PRKAG2: variants seen among roughly 807,000 people sequenced by gnomAD.
PRKAG2 encodes the protein protein kinase AMP-activated non-catalytic subunit gamma 2, also known as 5'-AMP-activated protein kinase subunit gamma-2.
PRKAG2 carries 26 observed loss-of-function variants against 69.6 expected under a neutral mutation model. The ratio of observed to expected loss-of-function variants is 0.37; its 90% CI spans 0.27 to 0.52. The LOEUF is 0.52. Among genes scored for constraint, PRKAG2 ranks in the 20% least tolerant of loss-of-function variants. The probability of loss-of-function intolerance (pLI) is 0.90; values close to 1 mark genes in which losing one functional copy is unlikely to be tolerated. For synonymous variants in PRKAG2, 293 were observed against 285.0 expected (o/e 1.03, Z -0.28); for missense variants, 557 against 740.0 (o/e 0.75, Z 2.87).
At chr7:151,621,420 C>T (rs922693534) in intron 5 of PRKAG2, among the ~76,000 whole-genome samples, 12 of 152,094 alleles carry the variant, frequency 7.9e-5, no homozygotes, top group Non-Finnish European at 1.8e-4. Flanking sequence ...CAATAGCTCA[C>T]GCCTGTAATC....
At chr7:151,818,957 T>C (rs918311245) in intron 1 of PRKAG2, among the ~76,000 whole-genome samples, 3 of 152,182 alleles carry the variant, frequency 2.0e-5, no homozygotes, top group Non-Finnish European at 2.9e-5. Flanking sequence ...AATATCCCAA[T>C]TGGGAACCAA....
At chr7:151,574,467 T>C (rs778443520) in intron 8 of PRKAG2, among the ~76,000 whole-genome samples, 1 of 152,200 alleles carries the variant, frequency 6.6e-6, no homozygotes, top group Non-Finnish European at 1.5e-5. Flanking sequence ...TAATGACTCA[T>C]TTTTTTCTGC....
At chr7:151,793,284 C>T (rs927605125) in intron 1 of PRKAG2, among the ~76,000 whole-genome samples, 2 of 152,212 alleles carry the variant, frequency 1.3e-5, no homozygotes, top group African/African-American at 2.4e-5. Flanking sequence ...GCGTGCACCG[C>T]CGGGGAAGGA....
At chr7:151,641,800 A>G (rs3109944) in intron 4 of PRKAG2, among the ~76,000 whole-genome samples, 130,427 of 152,026 alleles carry the variant, frequency 0.86, 56,025 homozygotes, top group Non-Finnish European at 0.88. Context: ...CATGAGTGAC[A>G]TCACCTGGCC....
chr7:151,752,985 C>G (rs558539754), intron 3 of PRKAG2, among the ~76,000 whole-genome samples: 9 of 152,352 alleles, frequency 5.9e-5, no homozygotes, highest in East Asian at 1.9e-4. Flanking sequence ...ATCGGGTGAC[C>G]CTGCTGGGAT....
chr7:151,658,453 C>G (rs912836871), intron 4 of PRKAG2, among the ~76,000 whole-genome samples: 1 of 147,126 alleles, frequency 6.8e-6, no homozygotes, highest in Non-Finnish European at 1.5e-5. Context: ...CCATTGCACT[C>G]CAGCCTGGGT....
chr7:151,631,967 T>G, intron 5 of PRKAG2, 102 bp downstream of exon 5: 5 of 1,066,170 alleles, frequency 4.7e-6, no homozygotes, highest in Non-Finnish European at 5.8e-6. Context: ...CAGCTCGCCG[T>G]GGGGCAGCGC....
At position 151,827,766 on chromosome 7, in the gene PRKAG2, A is replaced by AAAAAAC. The variant is rs2078940144; in HGVS notation, c.115-41226_115-41225insGTTTTT. Reference sequence around the variant, plus strand: ...TAGGTAAAAAAAAAAAAAAAAAAAAAAAAAAAAACTGCCTTGCTGTAGCCT... The same window carrying AAAAAAC: ...TAGGTAAAAAAAAAAAAAAAAAAAAAAAAAACAAAAAAAACTGCCTTGCTGTAGCCT... On this transcript the variant is annotated intron_variant, in intron 1 of 15. Transcript: ENST00000287878. 6.0e-5 allele frequency among the ~76,000 whole-genome samples: 9 copies of AAAAAAC among 150,364 alleles called. 1 individual carries two copies. Among genetic ancestry groups the AAAAAAC allele is most frequent in the South Asian group, 4.2e-4 (2 of 4,718 alleles).
intron 1 of PRKAG2, among the ~76,000 whole-genome samples, chr7:151,854,950 C>A: frequency 7.7e-6 from 1 of 130,006 alleles, no homozygotes; most frequent in Non-Finnish European, 1.7e-5. Context: ...CACCCTCCAC[C>A]ACTCTCCACA....
intron 3 of PRKAG2, among the ~76,000 whole-genome samples, chr7:151,761,704 T>C (rs1416122598): frequency 6.6e-6 from 1 of 152,236 alleles, no homozygotes; most frequent in Non-Finnish European, 1.5e-5. Context: ...CTTTCTTTAC[T>C]GTGACGCCGT....
chr7:151,841,237 C>G (rs1198543105), intron 1 of PRKAG2, among the ~76,000 whole-genome samples: 1 of 152,230 alleles, frequency 6.6e-6, no homozygotes, highest in African/African-American at 2.4e-5. Flanking sequence ...ATCCTCCCAT[C>G]TCAGCCTCCC....
At position 151,763,278 on chromosome 7, in the gene PRKAG2, C is replaced by T. The variant is rs570882331; in HGVS notation, c.466+17874G>A. ...ACGCTAAGGCGGGTCTCCTGCTGTC[C>T]TGCTCCCTCCTCACCTCTGTGTCTC... On this transcript the variant is annotated intron_variant, in intron 3 of 15. Coordinates refer to ENST00000287878, the MANE Select transcript of PRKAG2 (RefSeq NM_016203.4). Among the ~76,000 whole-genome samples the T allele has an allele frequency of 3.9e-5, 6 of 152,390 alleles. No homozygotes were observed. The South Asian group carries it at 1.2e-3, about 32-fold the overall frequency.
intron 4 of PRKAG2, among the ~76,000 whole-genome samples, chr7:151,641,344 T>G (rs1826662303): frequency 6.8e-6 from 1 of 147,716 alleles, no homozygotes; most frequent in Admixed American, 7.0e-5. Flanking sequence ...ACCTCCCTGG[T>G]TCAAGTGATT....
chr7:151,679,246 G>A (rs1440109032), intron 3 of PRKAG2, among the ~76,000 whole-genome samples: 1 of 152,144 alleles, frequency 6.6e-6, no homozygotes, highest in African/African-American at 2.4e-5. Flanking sequence ...GGGCCTCTCA[G>A]GGGGATCTGC....
At chr7:151,688,307 A>C (rs1368202246) in intron 3 of PRKAG2, among the ~76,000 whole-genome samples, 1 of 152,196 alleles carries the variant, frequency 6.6e-6, no homozygotes, top group African/African-American at 2.4e-5. Context: ...AGAGTTCGAG[A>C]TTTCAGAAAT....
At chr7:151,819,022 G>A (rs758270671) in intron 1 of PRKAG2, among the ~76,000 whole-genome samples, 8 of 152,254 alleles carry the variant, frequency 5.3e-5, no homozygotes, top group Admixed American at 3.3e-4. Flanking sequence ...ATTCACAGCA[G>A]AGGGCTTGTC....
chr7:151,675,178 C>G (rs185797625), intron 4 of PRKAG2: 45 of 499,478 alleles, frequency 9.0e-5, no homozygotes, highest in African/African-American at 8.6e-4. Flanking sequence ...ATCTTGGCCT[C>G]CCAAAGTGCT....
intron 15 of PRKAG2, chr7:151,558,468 C>T (rs1804252922): frequency 1.0e-6 from 1 of 984,152 alleles, no homozygotes; most frequent in Non-Finnish European, 1.2e-6. Flanking sequence ...TCCTTCTCTA[C>T]TGAAGAAATT....
At chr7:151,794,154 A>T (rs930404750) in intron 1 of PRKAG2, among the ~76,000 whole-genome samples, 1 of 152,122 alleles carries the variant, frequency 6.6e-6, no homozygotes, top group Non-Finnish European at 1.5e-5. Context: ...CTGGCCTGGC[A>T]GCCTGAGCCT....
Sources: allele counts gnomAD v4.1 joint callset (sites outside exome capture counted in the v4.1 genomes callset), GRCh38; gene constraint gnomAD v4.1.1; transcripts MANE v1.5; gene names NCBI Gene and HGNC (gene_info 2026-07-23, HGNC 2026-07-21).